The following PLEKHH1 variants were observed in gnomAD, a reference collection of about 807,000 sequenced individuals.
PLEKHH1 encodes pleckstrin homology domain-containing family H member 1.
In PLEKHH1, 104 loss-of-function variants were observed where a neutral mutation model predicts 160.0. The observed-to-expected ratio is 0.65, with a 90% confidence interval of 0.55 to 0.76. The LOEUF (loss-of-function observed/expected upper bound fraction) is 0.76. Among genes scored for constraint, PLEKHH1 ranks in the 30% least tolerant of loss-of-function variants. PLEKHH1 has a pLI of 0.00. For missense variants in PLEKHH1, 1,427 were observed against 1,724.1 expected, an observed-to-expected ratio of 0.83 and a Z score of 3.05; for synonymous variants, 619 against 678.4, an observed-to-expected ratio of 0.91 and a Z score of 1.36.
Position 67,585,957 on chromosome 14 carries a change from C to A in PLEKHH1, c.3793C>A (p.His1265Asn). 2 of 1,612,062 alleles carry A rather than the reference C, an allele frequency of 1.2e-6. No individual in the cohort carries two copies. The highest frequency in any genetic ancestry group is 1.7e-5 in the Admixed American group (1 of 59,810). Residue 1265 changes from histidine (H) to asparagine (N), a missense_variant, in exon 28 of 29, where the codon CAC (histidine) becomes AAC (asparagine). By Grantham distance (68) the His-to-Asn change is moderately conservative (BLOSUM62 1). Transcript: ENST00000329153. ...SILDHNTMQV[H>N]ITYPYSSVTT... ...GACTGGTTCCTTTCCACAGCAAGTG[C>A]ACATCACTTACCCCTACTCTTCAGT...
intron 26 of PLEKHH1, among the ~76,000 whole-genome samples, chr14:67,584,954 T>C (rs1345461290): frequency 6.6e-6 from 1 of 152,214 alleles, no homozygotes; most frequent in Non-Finnish European, 1.5e-5. Flanking sequence ...AGGTGGCATG[T>C]CCAATGTCTA....
chr14:67,542,319 C>T (rs890648518), intron 2 of PLEKHH1, among the ~76,000 whole-genome samples: 2 of 152,140 alleles, frequency 1.3e-5, no homozygotes, highest in African/African-American at 4.8e-5. Flanking sequence ...TGGGGAAGGA[C>T]GGTGTTTCGG....
intron 2 of PLEKHH1, among the ~76,000 whole-genome samples, chr14:67,550,509 C>G (rs2034354860): frequency 6.6e-6 from 1 of 152,188 alleles, no homozygotes; most frequent in African/African-American, 2.4e-5. Flanking sequence ...TCTTTGATAA[C>G]AAGAGTTAGA....
intron 2 of PLEKHH1, among the ~76,000 whole-genome samples, chr14:67,545,030 G>A (rs1026793294): frequency 5.3e-5 from 8 of 152,216 alleles, no homozygotes; most frequent in African/African-American, 1.7e-4. Flanking sequence ...TCATTGTTTG[G>A]CTGCTGTAAG....
rs915752682 is a variant in PLEKHH1, at chr14:67,587,472, A to G, written c.*237A>G. On this transcript the variant is annotated 3_prime_UTR_variant, in exon 29 of 29. Coordinates refer to ENST00000329153, the MANE Select transcript of PLEKHH1 (RefSeq NM_020715.3). The stretch of plus-strand genomic sequence containing the variant: ...ACCATTTATTCCTTTTTTCATAAGA[A>G]TAATGACTCCAGATGCTACCTGATT... The G allele has an allele frequency of 1.6e-5, 9 of 554,260 alleles. No individual in the cohort carries two copies. The highest frequency in any genetic ancestry group is 2.6e-5 in the Non-Finnish European group (8 of 310,410). 34.3% of individuals were successfully genotyped at this position (554,260 alleles called of 1,614,324 possible). A position where few individuals can be genotyped will look rare whatever the true frequency, so the allele number is the denominator to read the frequency against.
chr14:67,542,799 C>T (rs762322330), intron 2 of PLEKHH1, among the ~76,000 whole-genome samples: 7 of 152,166 alleles, frequency 4.6e-5, no homozygotes, highest in African/African-American at 1.4e-4. Context: ...CTCCTGGGCT[C>T]AAGCGATTCT....
At position 67,582,443 on chromosome 14, in the gene PLEKHH1, T is replaced by G. The variant is rs1453366484; in HGVS notation, c.3426+233T>G. ...TGGAATCCAGAGACCTGGGTTTGAG[T>G]CCTATATACCTTCCAACTATGAGGT... On this transcript the variant is annotated intron_variant, in intron 24 of 28. Coordinates refer to ENST00000329153, the MANE Select transcript of PLEKHH1 (RefSeq NM_020715.3). The surrounding 1 kb of genome is among the most constrained non-coding windows in gnomAD (Gnocchi z 5.0). Among the ~76,000 whole-genome samples, 2 of 152,064 alleles carry G rather than the reference T, an allele frequency of 1.3e-5. No individual in the cohort carries two copies. Among genetic ancestry groups the G allele is most frequent in the African/African-American group, 4.8e-5 (2 of 41,400 alleles).
At position 67,555,883 on chromosome 14, in the gene PLEKHH1, C is replaced by T. The variant is rs1369779516; in HGVS notation, c.185C>T (p.Thr62Ile). Residue 62 changes from threonine (T) to isoleucine (I), a missense_variant, in exon 3 of 29, where the codon ACC becomes ATC. By Grantham distance (89) the Thr-to-Ile change is moderately conservative (BLOSUM62 -1). Transcript: ENST00000329153. ...EAEQRAENAETQVGVMEEKVK... is the reference protein window; with the variant it reads ...EAEQRAENAEIQVGVMEEKVK... ...GAGCAGAGAGCAGAGAACGCTGAGA[C>T]CCAGGTAACCAGGGGAGGGGATCGG... 6.2e-7 allele frequency: 1 copy of T among 1,613,400 alleles called. No individual in the cohort carries two copies. The highest frequency in any genetic ancestry group is 1.3e-5 in the African/African-American group (1 of 74,902).
At chr14:67,545,097 T>C (rs2034124288) in intron 2 of PLEKHH1, among the ~76,000 whole-genome samples, 1 of 152,244 alleles carries the variant, frequency 6.6e-6, no homozygotes, top group African/African-American at 2.4e-5. Flanking sequence ...CTTTCTCATG[T>C]AACCTTCCAG....
At position 67,574,136 on chromosome 14, in the gene PLEKHH1, G is replaced by A; in HGVS notation, c.1927-106G>A. ...AAAGGAGGGAGCACTAGGGCAGGCA[G>A]AAGGCCAGCCCCTTGGGTTCAGGGA... is the stretch of plus-strand genomic sequence containing the variant. On this transcript the variant is annotated intron_variant, in intron 13 of 28. Coordinates refer to ENST00000329153, the MANE Select transcript of PLEKHH1 (RefSeq NM_020715.3). This position sits in a 1 kb window ranked among gnomAD's most constrained non-coding sequence, Gnocchi z 4.2. 2 of 1,013,312 alleles carry A rather than the reference G, an allele frequency of 2.0e-6. No homozygotes were observed. The highest frequency in any genetic ancestry group is 3.4e-5 in the South Asian group (2 of 58,534). The allele number at this position is 1,013,312 out of a possible 1,614,324, so 62.8% of individuals were successfully genotyped here. A position where few individuals can be genotyped will look rare whatever the true frequency, so the allele number is the denominator to read the frequency against.
chr14:67,567,662 C>T (rs936229353), intron 7 of PLEKHH1, among the ~76,000 whole-genome samples: 4 of 152,122 alleles, frequency 2.6e-5, no homozygotes, highest in Non-Finnish European at 5.9e-5. Flanking sequence ...CTCATCAGCT[C>T]TGCCCTCTCT....
chr14:67,560,148 T>G (rs2034771844), intron 5 of PLEKHH1, among the ~76,000 whole-genome samples: 1 of 152,128 alleles, frequency 6.6e-6, no homozygotes, highest in Non-Finnish European at 1.5e-5. Flanking sequence ...TGCCTCAGCC[T>G]CCCTGAGTAG....
At chr14:67,539,678 A>AT (rs1189325562) in intron 1 of PLEKHH1, among the ~76,000 whole-genome samples, 10 of 151,996 alleles carry the variant, frequency 6.6e-5, no homozygotes, top group Admixed American at 3.9e-4. Flanking sequence ...AATTCTTTTT[A>AT]TTTTTTTTGG....
rs374189751 is a variant in PLEKHH1, at chr14:67,562,128, G to A, written c.506-9G>A. 8.7e-5 allele frequency: 140 copies of A among 1,610,726 alleles called. 1 individual carries two copies. Among genetic ancestry groups the A allele is most frequent in the Middle Eastern group, 8.2e-4 (5 of 6,072 alleles). ...GCTCTCAATGTGACTGTTTTTACCC[G>A]AATCACAGCTATTCAGATAGCTCCT... On this transcript the variant is annotated splice_polypyrimidine_tract_variant and intron_variant, in intron 6 of 28. Coordinates refer to ENST00000329153, the MANE Select transcript of PLEKHH1 (RefSeq NM_020715.3).
intron 3 of PLEKHH1, among the ~76,000 whole-genome samples, chr14:67,556,159 G>A (rs1011142578): frequency 2.6e-5 from 4 of 152,206 alleles, no homozygotes; most frequent in African/African-American, 4.8e-5. Flanking sequence ...GTTCTCACTC[G>A]TGGAACCTGT....
chr14:67,552,558 G>A (rs2034434639), intron 2 of PLEKHH1, among the ~76,000 whole-genome samples: 1 of 152,146 alleles, frequency 6.6e-6, no homozygotes, highest in Non-Finnish European at 1.5e-5. Flanking sequence ...ACGAGGTCAG[G>A]AGATCGAGAC....
At chr14:67,555,660 G>A (rs1485347953) in intron 2 of PLEKHH1, among the ~76,000 whole-genome samples, 165 bp from the exon 3 acceptor site, 3 of 152,192 alleles carry the variant, frequency 2.0e-5, no homozygotes, top group Admixed American at 1.3e-4. Flanking sequence ...AGGGAGCTGA[G>A]AGTTGCCTTG....
chr14:67,555,509 G>A (rs1165727336), intron 2 of PLEKHH1, among the ~76,000 whole-genome samples: 1 of 152,154 alleles, frequency 6.6e-6, no homozygotes, highest in East Asian at 1.9e-4. Context: ...CCAGGACAGG[G>A]TGGGATGCTC....
chr14:67,571,837 T>A lies in PLEKHH1; in HGVS notation c.1520T>A (p.Ile507Asn). 6.2e-7 allele frequency: 1 copy of A among 1,613,840 alleles called. No homozygotes were observed. The highest frequency in any genetic ancestry group is 8.5e-7 in the Non-Finnish European group (1 of 1,179,832). ...DDCSSQASFR[I>N]SVPSSESRKT... ...TGCAGCTCTCAGGCGAGTTTCCGAA[T>A]CTCGGTCCCCTCCTCTGAGTCCAGG... is the stretch of plus-strand genomic sequence containing the variant. Residue 507 changes from isoleucine (I) to asparagine (N), a missense_variant, in exon 10 of 29, where the codon ATC becomes AAC. By Grantham distance (149) the Ile-to-Asn change is moderately radical. Coordinates refer to ENST00000329153, the MANE Select transcript of PLEKHH1 (RefSeq NM_020715.3).
Sources: gnomAD v4.1 joint callset for allele counts (sites outside exome capture counted in the v4.1 genomes callset) on GRCh38, gnomAD v4.1.1 for gene constraint, Gnocchi (gnomAD v3.1) non-coding constraint, MANE v1.5 for transcripts, NCBI Gene and HGNC (gene_info 2026-07-23, HGNC 2026-07-21) for gene names.